The following STX6 variants were observed in gnomAD, a reference collection of about 807,000 sequenced individuals.
STX6 encodes the protein syntaxin 6.
Under a neutral mutation model 38.0 loss-of-function variants are expected in STX6, and 23 were observed. The ratio of observed to expected loss-of-function variants is 0.60; its 90% CI spans 0.43 to 0.86. STX6 has a LOEUF of 0.86. Ranked by LOEUF, STX6 falls within the 40% of genes least tolerant of loss-of-function variation. STX6 has a pLI of 0.00. For synonymous variants in STX6, 123 were observed against 107.5 expected, an observed-to-expected ratio of 1.14 and a Z score of -0.89; for missense variants, 274 against 312.9, an observed-to-expected ratio of 0.88 and a Z score of 0.94.
Position 180,972,859 on chromosome 1 carries a change from G to T in STX6, c.*3711C>A. ...ACCTGCTTTCAGCAAATTCTGGTTT[G>T]GTTTTATTTTTTAATCAAAAAAAAA... On this transcript the variant is annotated 3_prime_UTR_variant, in exon 8 of 8. Coordinates refer to ENST00000258301, the MANE Select transcript of STX6 (RefSeq NM_005819.6). 1.9e-5 allele frequency: 4 copies of T among 213,424 alleles called. No homozygotes were observed. The highest frequency in any genetic ancestry group is 6.2e-5 in the South Asian group (1 of 16,258). 13.2% of individuals were successfully genotyped at this position (213,424 alleles called of 1,614,324 possible).
chr1:181,019,680 A>G (rs1308543731), intron 1 of STX6, among the ~76,000 whole-genome samples: 1 of 152,200 alleles, frequency 6.6e-6, no homozygotes, highest in Non-Finnish European at 1.5e-5. Context: ...CCACTGAATA[A>G]TATTAAGTAG....
chr1:180,980,027 T>G (rs1476860885), intron 7 of STX6, among the ~76,000 whole-genome samples: 2 of 152,030 alleles, frequency 1.3e-5, no homozygotes, highest in Non-Finnish European at 2.9e-5. Flanking sequence ...GCCAACATGG[T>G]GAAACCCTGT....
At chr1:180,996,692 C>T (rs1404551115) in intron 3 of STX6, among the ~76,000 whole-genome samples, 1 of 152,108 alleles carries the variant, frequency 6.6e-6, no homozygotes, top group Admixed American at 6.5e-5. Context: ...CCCACCTCAG[C>T]CTCCCAAGTA....
chr1:181,001,241 A>G (rs982776480), intron 3 of STX6, among the ~76,000 whole-genome samples: 1 of 152,234 alleles, frequency 6.6e-6, no homozygotes, highest in Non-Finnish European at 1.5e-5. Context: ...CCTGCCTAAG[A>G]TGACTCTTAA....
At chr1:181,001,340 CT>C (rs1166897486) in intron 3 of STX6, among the ~76,000 whole-genome samples, 1 of 152,166 alleles carries the variant, frequency 6.6e-6, no homozygotes, top group Admixed American at 6.5e-5. Context: ...AGCTGGTTCT[CT>C]TACATCTAGT....
At position 181,007,991 on chromosome 1, in the gene STX6, A is replaced by G. The variant is rs565079638; in HGVS notation, c.36-2528T>C. Among the ~76,000 whole-genome samples, 20 of 152,324 alleles carry G rather than the reference A, an allele frequency of 1.3e-4. No individual in the cohort carries two copies. The South Asian group carries it at 2.1e-3, about 16-fold the overall frequency. On this transcript the variant is annotated intron_variant, in intron 1 of 7. Coordinates refer to ENST00000258301, the MANE Select transcript of STX6 (RefSeq NM_005819.6). ...AGTCTGTGGACATACATTTTGGTAG[A>G]AGCATATGATGAGAATCCAGCCTCA... is the stretch of plus-strand genomic sequence containing the variant.
rs1421314287 is a variant in STX6, at chr1:180,988,224, T to C, written c.596+15A>G. 2 of 1,595,012 alleles carry C rather than the reference T, an allele frequency of 1.3e-6. No homozygotes were observed. The highest frequency in any genetic ancestry group is 2.2e-5 in the East Asian group (1 of 44,632). ...CTCAATTTCACTGAAGCGAGAGGGG[T>C]GTCTCAATACTCACACTGCCTGTTC... On this transcript the variant is annotated intron_variant, in intron 6 of 7. Transcript: ENST00000258301.
chr1:180,980,413 A>G (rs954250258), intron 7 of STX6, among the ~76,000 whole-genome samples: 1 of 152,126 alleles, frequency 6.6e-6, no homozygotes, highest in Non-Finnish European at 1.5e-5. Flanking sequence ...AAACTGGTAC[A>G]GCCACTTTGG....
At chr1:180,993,805 T>C (rs970711667) in intron 3 of STX6, among the ~76,000 whole-genome samples, 1 of 152,194 alleles carries the variant, frequency 6.6e-6, no homozygotes, top group Non-Finnish European at 1.5e-5. Flanking sequence ...ACGATGATAC[T>C]TTCTCAAAGT....
intron 1 of STX6, among the ~76,000 whole-genome samples, chr1:181,020,322 T>A (rs1309247030): frequency 2.6e-5 from 4 of 152,270 alleles, no homozygotes; most frequent in Non-Finnish European, 5.9e-5. Context: ...TGTATCAGAT[T>A]TAGAAGACTT....
chr1:180,991,261 C>A (rs979616771), intron 4 of STX6, among the ~76,000 whole-genome samples: 1 of 152,110 alleles, frequency 6.6e-6, no homozygotes, highest in Non-Finnish European at 1.5e-5. Flanking sequence ...TTCCAGGGGC[C>A]CAGAGCTTCA....
intron 1 of STX6, among the ~76,000 whole-genome samples, chr1:181,010,665 G>A (rs946003052): frequency 1.3e-5 from 2 of 151,910 alleles, no homozygotes; most frequent in Non-Finnish European, 2.9e-5. Flanking sequence ...GTTAGTACAA[G>A]CTGATGAGGA....
At chr1:180,993,276 G>T in intron 4 of STX6, 87 bp downstream of exon 4, 1 of 811,588 alleles carries the variant, frequency 1.2e-6, no homozygotes, top group South Asian at 1.5e-5. Flanking sequence ...TTGATTACAT[G>T]ATCCATGGAT....
At chr1:180,990,194 G>T in intron 4 of STX6, 85 bp from the exon 5 acceptor site, 2 of 1,536,152 alleles carry the variant, frequency 1.3e-6, no homozygotes, top group South Asian at 1.2e-5. Context: ...GTGATATAAA[G>T]AGTTTTCACA....
chr1:180,980,607 T>C (rs937904561), intron 7 of STX6: 17 of 124,390 alleles, frequency 1.4e-4, no homozygotes, highest in African/African-American at 4.9e-4. Flanking sequence ...CAGGCTAGAG[T>C]GCAGTGGTGT....
chr1:181,021,102 T>C (rs1256843441), intron 1 of STX6, among the ~76,000 whole-genome samples: 3 of 152,136 alleles, frequency 2.0e-5, no homozygotes, highest in Non-Finnish European at 4.4e-5. Context: ...GTAGACTGTA[T>C]AGGATACCAT....
chr1:180,991,073 T>C (rs917775283), intron 4 of STX6, among the ~76,000 whole-genome samples: 9 of 152,212 alleles, frequency 5.9e-5, no homozygotes, highest in Non-Finnish European at 8.8e-5. Context: ...TCAGGCACTA[T>C]TAAAAGCCTG....
chr1:181,018,724 G>A lies in STX6; in HGVS notation c.35+3915C>T, dbSNP rs142204066. 1.0e-3 allele frequency among the ~76,000 whole-genome samples: 152 copies of A among 152,260 alleles called. 1 individual carries two copies. The East Asian group carries it at 0.025, about 25-fold the overall frequency. ...CAAGCACTAACCACTGCATGTATAA[G>A]TTACAACAGCTTTCTAACTGGTCTC... On this transcript the variant is annotated intron_variant, in intron 1 of 7. Transcript: ENST00000258301.
chr1:180,989,791 G>C (rs1655698736), intron 5 of STX6, among the ~76,000 whole-genome samples, 193 bp downstream of exon 5: 1 of 152,076 alleles, frequency 6.6e-6, no homozygotes, highest in Non-Finnish European at 1.5e-5. Context: ...GCTGAGCTTG[G>C]TTCTCTTGAA....
Sources: gnomAD v4.1 joint callset for allele counts (sites outside exome capture counted in the v4.1 genomes callset) on GRCh38, gnomAD v4.1.1 for gene constraint, MANE v1.5 for transcripts, NCBI Gene and HGNC (gene_info 2026-07-23, HGNC 2026-07-21) for gene names.